The following NEMF variants were observed in gnomAD, a reference collection of about 807,000 sequenced individuals.
NEMF encodes nuclear export mediator factor, also known as ribosome quality control complex subunit NEMF.
A neutral mutation model predicts 162.2 loss-of-function variants in NEMF; 89 were observed. The observed-to-expected ratio is 0.55, with a 90% CI of 0.46 to 0.65. NEMF has a LOEUF of 0.65. Ranked by LOEUF, NEMF falls within the 30% of genes least tolerant of loss-of-function variation. The pLI, the probability that NEMF is intolerant of heterozygous loss-of-function variation, is 0.00. For synonymous variants in NEMF, 421 were observed against 404.5 expected, an observed-to-expected ratio of 1.04 and a Z score of -0.49; for missense variants, 1,133 against 1,261.9, an observed-to-expected ratio of 0.90 and a Z score of 1.55.
intron 25 of NEMF, chr14:49,796,396 C>T (rs1478197197): frequency 2.4e-6 from 1 of 421,880 alleles, no homozygotes; most frequent in African/African-American, 2.0e-5. Flanking sequence ...ATTCTTCTTT[C>T]TGTTCCCAAT....
chr14:49,834,621 C>A (rs34179170), intron 6 of NEMF, among the ~76,000 whole-genome samples, 172 bp from the exon 7 acceptor site: 1 of 151,984 alleles, frequency 6.6e-6, no homozygotes, highest in East Asian at 1.9e-4. Context: ...TAGCTGGGAT[C>A]ACAAGCACCC....
At chr14:49,830,470 T>A (rs1892580034) in intron 11 of NEMF, among the ~76,000 whole-genome samples, 1 of 152,148 alleles carries the variant, frequency 6.6e-6, no homozygotes. Flanking sequence ...CTCAGCTCAT[T>A]GCAACCTCCG....
intron 4 of NEMF, among the ~76,000 whole-genome samples, chr14:49,844,516 CATGCAGG>C (rs1409500940): frequency 2.0e-5 from 3 of 152,070 alleles, no homozygotes; most frequent in African/African-American, 4.8e-5. Flanking sequence ...ATGAATGGAG[CATGCAGG>C]ACTGAAAACT....
chr14:49,800,572 C>T lies in NEMF; in HGVS notation c.2220G>A (p.Glu740=). ...CAGAGCTTTCTTCCTGAATGAGCTCCTCATTTAGTTCATCTCTGCCACTCT... is the reference window on the plus strand; with the variant it reads ...CAGAGCTTTCTTCCTGAATGAGCTCTTCATTTAGTTCATCTCTGCCACTCT... ...TLQSGRDELN[E]ELIQEESSED... is the part of the protein sequence containing the mutation. Residue 740 remains glutamate (E), a synonymous_variant, in exon 23 of 33, where the codon GAG becomes GAA. Transcript: ENST00000298310. 6.2e-7 allele frequency: 1 copy of T among 1,613,992 alleles called. No homozygotes were observed. Among genetic ancestry groups the T allele is most frequent in the Non-Finnish European group, 8.5e-7 (1 of 1,179,980 alleles).
At chr14:49,833,975 A>C (rs1206756824) in intron 7 of NEMF, 12 of 298,564 alleles carry the variant, frequency 4.0e-5, no homozygotes, top group East Asian at 7.9e-5. Flanking sequence ...CAAAAACAAA[A>C]CACCACCACC....
intron 26 of NEMF, among the ~76,000 whole-genome samples, chr14:49,791,146 C>T (rs187927062): frequency 4.5e-4 from 68 of 151,126 alleles, no homozygotes; most frequent in East Asian, 9.9e-4. Context: ...CCATCCTGGC[C>T]AACATAAGTG....
At chr14:49,851,706 C>G (rs771075634) in intron 2 of NEMF, 41 bp from the exon 3 acceptor site, 8 of 1,542,818 alleles carry the variant, frequency 5.2e-6, no homozygotes, top group Non-Finnish European at 7.2e-6. Flanking sequence ...AGGGTATATG[C>G]CAAAGCTAAT....
chr14:49,852,758 A>G lies in NEMF; in HGVS notation c.-5T>C, dbSNP rs778045796. 1.2e-6 allele frequency: 2 copies of G among 1,614,180 alleles called. No individual in the cohort carries two copies. The highest frequency in any genetic ancestry group is 1.1e-5 in the South Asian group (1 of 91,082). ...GGTGCTAAAGCGGCTCTTCATGGCGAGGCCCGAGGGTCACTACCGCAAGTT... is the reference window on the plus strand; with the variant it reads ...GGTGCTAAAGCGGCTCTTCATGGCGGGGCCCGAGGGTCACTACCGCAAGTT... On this transcript the variant is annotated 5_prime_UTR_variant, in exon 1 of 33. Transcript: ENST00000298310.
Position 49,828,655 on chromosome 14 carries a change from T to G in NEMF, c.1385A>C (p.Asp462Ala), listed in dbSNP as rs1462368162. Residue 462 changes from aspartate to alanine, a missense_variant, in exon 14 of 33, where the codon GAT becomes GCT. By Grantham distance (126) the Asp-to-Ala change is moderately radical (BLOSUM62 -2). Around this residue, in one of 3 missense-constraint regions of NEMF, gnomAD observed 582 missense variants for 631.5 expected, o/e 0.92. Transcript: ENST00000298310. The part of the protein sequence containing the change: ...KPQKNKPLLV[D>A]VDLSLSAYAN... ...ATATGCTGACAAGCTGAGATCAACATCTACAAGTAAGGGCTTATTTTTCTG... is the reference window on the plus strand; with the variant it reads ...ATATGCTGACAAGCTGAGATCAACAGCTACAAGTAAGGGCTTATTTTTCTG... 1.3e-6 allele frequency: 2 copies of G among 1,589,470 alleles called. No homozygotes were observed. Among genetic ancestry groups the G allele is most frequent in the Non-Finnish European group, 1.7e-6 (2 of 1,173,942 alleles).
chr14:49,842,744 C>T (rs1270659999), intron 4 of NEMF, among the ~76,000 whole-genome samples: 4 of 152,280 alleles, frequency 2.6e-5, no homozygotes, highest in South Asian at 2.1e-4. Context: ...CAGTGGCTCA[C>T]GCCTGTAATC....
In NEMF at chr14:49,814,053, T is replaced by C; in HGVS notation, c.1682-3A>G. 6.6e-7 allele frequency: 1 copy of C among 1,514,436 alleles called. No homozygotes were observed. Among genetic ancestry groups the C allele is most frequent in the Non-Finnish European group, 9.2e-7 (1 of 1,090,640 alleles). The allele number at this position is 1,514,436 out of a possible 1,614,324, so 93.8% of individuals were successfully genotyped here. On this transcript the variant is annotated splice_polypyrimidine_tract_variant and splice_region_variant and intron_variant, in intron 17 of 32. Coordinates refer to ENST00000298310, the MANE Select transcript of NEMF (RefSeq NM_004713.6). ...ATCAGCATGTACATAAATGTCTCCT[T>C]AAATACAGACAAATAAAAAATGACA...
rs1890013750 is a variant in NEMF, at chr14:49,783,506, G to A, written c.*1130C>T. On this transcript the variant is annotated 3_prime_UTR_variant, in exon 33 of 33. Transcript: ENST00000298310. ...GAGCAAGTGGTCATGCTGAATACAGGCAGGTGCTGTCCAGTCAATTAAAAA... is the reference window on the plus strand; with the variant it reads ...GAGCAAGTGGTCATGCTGAATACAGACAGGTGCTGTCCAGTCAATTAAAAA... 6.6e-6 allele frequency: 1 copy of A among 152,038 alleles called. No individual in the cohort carries two copies. The highest frequency in any genetic ancestry group is 1.5e-5 in the Non-Finnish European group (1 of 68,028). 9.4% of individuals were successfully genotyped at this position (152,038 alleles called of 1,614,324 possible).
chr14:49,784,883 T>TTAA, intron 32 of NEMF, 42 bp downstream of exon 32: 6 of 1,530,056 alleles, frequency 3.9e-6, no homozygotes, highest in Non-Finnish European at 4.5e-6. Context: ...TTTTAAATTG[T>TTAA]ACTGTCAGTC....
At chr14:49,784,899 AT>A (rs1258683314) in intron 32 of NEMF, 25 bp downstream of exon 32, 2 of 1,592,406 alleles carry the variant, frequency 1.3e-6, no homozygotes, top group Non-Finnish European at 1.7e-6. Flanking sequence ...CAGTCTCCAC[AT>A]TCCTTTTCTG....
At chr14:49,838,001 T>C (rs1892992741) in intron 6 of NEMF, 138 bp downstream of exon 6, 3 of 563,984 alleles carry the variant, frequency 5.3e-6, no homozygotes, top group South Asian at 3.4e-5. Flanking sequence ...TTAACTTCTC[T>C]TTCTTTGACA....
intron 18 of NEMF, among the ~76,000 whole-genome samples, chr14:49,808,872 T>A (rs1245788100): frequency 6.6e-6 from 1 of 152,096 alleles, no homozygotes; most frequent in Non-Finnish European, 1.5e-5. Context: ...GGCCAAAGAC[T>A]TTTAACAGAT....
chr14:49,810,717 G>A (rs1891435791), intron 18 of NEMF, among the ~76,000 whole-genome samples: 1 of 152,178 alleles, frequency 6.6e-6, no homozygotes, highest in Admixed American at 6.5e-5. Context: ...AGGGCCAGGG[G>A]CAGTGGCTCA....
At chr14:49,808,221 G>A (rs1891311962) in intron 18 of NEMF, among the ~76,000 whole-genome samples, 1 of 152,054 alleles carries the variant, frequency 6.6e-6, no homozygotes. Context: ...TGCCCAGGCT[G>A]GAGTGCAATG....
At chr14:49,798,031 G>A (rs983655366) in intron 25 of NEMF, among the ~76,000 whole-genome samples, 8 of 152,288 alleles carry the variant, frequency 5.3e-5, no homozygotes, top group Non-Finnish European at 1.2e-4. Context: ...TGTGTGCCCT[G>A]CAACAGAATG....
Sources: gnomAD v4.1 joint callset for allele counts (sites outside exome capture counted in the v4.1 genomes callset) on GRCh38, gnomAD v4.1.1 for gene constraint, gnomAD v4.1.1 regional missense constraint, MANE v1.5 for transcripts, NCBI Gene and HGNC (gene_info 2026-07-23, HGNC 2026-07-21) for gene names.